VAMP8: variants seen among roughly 807,000 people sequenced by gnomAD.
VAMP8 encodes the protein vesicle associated membrane protein 8, also known as vesicle-associated membrane protein 8.
VAMP8 carries 9 observed loss-of-function variants against 11.4 expected under a neutral mutation model. That is an observed-to-expected ratio of 0.79 (90% CI 0.48 to 1.38). VAMP8 has a LOEUF of 1.38. VAMP8 is among the 40% of genes most tolerant of loss of function. VAMP8 has a pLI of 0.00. For missense variants in VAMP8, 108 were observed against 127.8 expected, an observed-to-expected ratio of 0.85 and a Z score of 0.75; for synonymous variants, 42 against 44.7, an observed-to-expected ratio of 0.94 and a Z score of 0.24.
intron 2 of VAMP8, among the ~76,000 whole-genome samples, chr2:85,580,964 C>T (rs72843861): frequency 0.058 from 8,889 of 152,016 alleles, 392 homozygotes; most frequent in Non-Finnish European, 0.097. Flanking sequence ...CCACCGCACC[C>T]GGCCAGAGCA....
At chr2:85,577,742 G>A in intron 1 of VAMP8, 93 bp downstream of exon 1, 1 of 1,535,644 alleles carries the variant, frequency 6.5e-7, no homozygotes, top group South Asian at 1.2e-5. Context: ...GAGGAGAGTT[G>A]GTGGCAAAGT....
chr2:85,580,808 A>G (rs1371225078), intron 2 of VAMP8, among the ~76,000 whole-genome samples: 5 of 151,672 alleles, frequency 3.3e-5, no homozygotes, highest in African/African-American at 4.8e-5. Flanking sequence ...CTGGGATTAC[A>G]GGCGTCTGCC....
chr2:85,581,993 T>C lies in VAMP8; in HGVS notation c.*277T>C. 1 of 424,264 alleles carries C rather than the reference T, an allele frequency of 2.4e-6. No individual in the cohort carries two copies. Among genetic ancestry groups the C allele is most frequent in the Non-Finnish European group, 4.2e-6 (1 of 236,364 alleles). 26.3% of individuals were successfully genotyped at this position (424,264 alleles called of 1,614,324 possible). On this transcript the variant is annotated 3_prime_UTR_variant, in exon 3 of 3. Coordinates refer to ENST00000263864, the MANE Select transcript of VAMP8 (RefSeq NM_003761.5). ...GCCCAGCATGTGGCTGGGAAACTGT[T>C]GGTGGCCAGTGGGTAATAAAGACCT...
rs147504597 is a variant in VAMP8, at chr2:85,578,974, C to T, written c.4-35C>T. The T allele has an allele frequency of 1.9e-4, 300 of 1,582,922 alleles. 1 individual carries two copies. In the East Asian group the frequency reaches 6.6e-3, roughly 35 times the overall value. On this transcript the variant is annotated intron_variant, in intron 1 of 2. Coordinates refer to ENST00000263864, the MANE Select transcript of VAMP8 (RefSeq NM_003761.5). ...TGAGCCCAAGTCTCCAGTTCCCCCA[C>T]CACTTGGTCTAATTAACCCCGTGTT...
Position 85,577,783 on chromosome 2 carries a change from CTCT to C in VAMP8, c.3+139_3+141del, listed in dbSNP as rs1327280276. 1.0e-5 allele frequency: 13 copies of C among 1,282,142 alleles called. No homozygotes were observed. In the East Asian group the frequency reaches 2.3e-4, roughly 22 times the overall value. The allele number at this position is 1,282,142 out of a possible 1,614,324, so 79.4% of individuals were successfully genotyped here. A position where few individuals can be genotyped will look rare whatever the true frequency, so the allele number is the denominator to read the frequency against. On this transcript the variant is annotated intron_variant, in intron 1 of 2. Coordinates refer to ENST00000263864, the MANE Select transcript of VAMP8 (RefSeq NM_003761.5). ...GGCTGGGCCAGTGCTGCTATGGCCT[CTCT>C]TCTTTGACAACTTGGCTGCAAATAG...
In VAMP8 at chr2:85,581,860, G is replaced by A. The variant is rs1434585880; in HGVS notation, c.*144G>A. 3.7e-6 allele frequency: 4 copies of A among 1,093,594 alleles called. No homozygotes were observed. The highest frequency in any genetic ancestry group is 5.3e-6 in the Non-Finnish European group (4 of 757,954). The allele number at this position is 1,093,594 out of a possible 1,614,324, so 67.7% of individuals were successfully genotyped here. On this transcript the variant is annotated 3_prime_UTR_variant, in exon 3 of 3. Transcript: ENST00000263864. The stretch of plus-strand genomic sequence containing the variant: ...CCTCTTCCCGAGGCCCTGCTGCCAT[G>A]TTGTATGCCCCAGAAGGTACCTTGG...
chr2:85,581,774 G>T lies in VAMP8; in HGVS notation c.*58G>T. The T allele has an allele frequency of 6.2e-7, 1 of 1,602,852 alleles. No homozygotes were observed. The highest frequency in any genetic ancestry group is 1.1e-5 in the South Asian group (1 of 89,824). On this transcript the variant is annotated 3_prime_UTR_variant, in exon 3 of 3. Transcript: ENST00000263864. ...TTCAGGGACAACCCTCCATAAATGT[G>T]TGCCAAGAGGGTCTCCTTTCCTGTC...
chr2:85,579,376 G>A (rs1672332455), intron 2 of VAMP8, among the ~76,000 whole-genome samples: 1 of 152,208 alleles, frequency 6.6e-6, no homozygotes, highest in Admixed American at 6.5e-5. Flanking sequence ...CCCATGACTG[G>A]GGCTTGAGGT....
intron 1 of VAMP8, among the ~76,000 whole-genome samples, chr2:85,577,870 G>A (rs1378746452): frequency 6.6e-6 from 1 of 152,204 alleles, no homozygotes; most frequent in Non-Finnish European, 1.5e-5. Flanking sequence ...TGACCTCTGT[G>A]CTGGTGGGGA....
intron 2 of VAMP8, 67 bp from the exon 3 acceptor site, chr2:85,581,509 G>A: frequency 6.3e-7 from 1 of 1,577,044 alleles, no homozygotes; most frequent in Non-Finnish European, 8.6e-7. Flanking sequence ...GGCTGCACTT[G>A]TACTCTTATA....
Position 85,581,798 on chromosome 2 carries a change from T to C in VAMP8, c.*82T>C. 6.4e-7 allele frequency: 1 copy of C among 1,570,326 alleles called. No individual in the cohort carries two copies. The highest frequency in any genetic ancestry group is 8.7e-7 in the Non-Finnish European group (1 of 1,151,258). On this transcript the variant is annotated 3_prime_UTR_variant, in exon 3 of 3. Transcript: ENST00000263864. ...TGTGCCAAGAGGGTCTCCTTTCCTG[T>C]CTTCCTCTACAGAGAATGCTGCTCG... is the stretch of plus-strand genomic sequence containing the variant.
chr2:85,579,635 G>T, intron 2 of VAMP8: 2 of 1,455,612 alleles, frequency 1.4e-6, no homozygotes, highest in South Asian at 1.5e-5. Context: ...TTAAAAAGAA[G>T]GGGGAAAGAG....
At chr2:85,581,424 G>A in intron 2 of VAMP8, 152 bp from the exon 3 acceptor site, 1 of 946,832 alleles carries the variant, frequency 1.1e-6, no homozygotes, top group South Asian at 1.7e-5. Flanking sequence ...AGGCAGCAGT[G>A]AGCCAAGATC....
rs540953092 is a variant in VAMP8 at position 85,577,890 on chromosome 2, CCGTG to C, written c.3+243_3+246del. 1.3e-4 allele frequency among the ~76,000 whole-genome samples: 20 copies of C among 152,298 alleles called. 1 individual carries two copies. In the South Asian group the frequency reaches 2.5e-3, roughly 19 times the overall value. On this transcript the variant is annotated intron_variant, in intron 1 of 2. Coordinates refer to ENST00000263864, the MANE Select transcript of VAMP8 (RefSeq NM_003761.5). ...TCTGTGCTGGTGGGGAGCTGGGCTT[CCGTG>C]CCAGCGCCGATGGGGGCTCCGAATT...
chr2:85,581,282 C>T (rs1267558880), intron 2 of VAMP8, among the ~76,000 whole-genome samples: 1 of 152,102 alleles, frequency 6.6e-6, no homozygotes, highest in Non-Finnish European at 1.5e-5. Context: ...GAGTTCAAGA[C>T]CAGCCTGGCC....
At chr2:85,580,659 ATTTTTTTTTTTTTTT>A (rs372301674) in intron 2 of VAMP8, among the ~76,000 whole-genome samples, 2 of 104,560 alleles carry the variant, frequency 1.9e-5, no homozygotes, top group Admixed American at 2.1e-4. Context: ...CAGATACAGC[ATTTTTTTTTTTTTTT>A]TTTTTTTTTT....
At chr2:85,581,539 A>G in intron 2 of VAMP8, 37 bp from the exon 3 acceptor site, 1 of 1,611,186 alleles carries the variant, frequency 6.2e-7, no homozygotes, top group Non-Finnish European at 8.5e-7. Context: ...CAGTGGGAGG[A>G]GCCACTGGGT....
At position 85,581,954 on chromosome 2, in the gene VAMP8, G is replaced by C. The variant is rs1672386139; in HGVS notation, c.*238G>C. The C allele has an allele frequency of 3.8e-6, 2 of 524,752 alleles. No individual in the cohort carries two copies. The highest frequency in any genetic ancestry group is 6.7e-6 in the Non-Finnish European group (2 of 299,738). 32.5% of individuals were successfully genotyped at this position (524,752 alleles called of 1,614,324 possible). Reference sequence around the variant, plus strand: ...TTTCTTGGGTCCTTAGAGTGGGCTGGAGAGACCTAGAGGGCCCAGCATGTG... The same window carrying C: ...TTTCTTGGGTCCTTAGAGTGGGCTGCAGAGACCTAGAGGGCCCAGCATGTG... On this transcript the variant is annotated 3_prime_UTR_variant, in exon 3 of 3. Transcript: ENST00000263864.
At chr2:85,580,008 T>G in intron 2 of VAMP8, 1 of 1,368,936 alleles carries the variant, frequency 7.3e-7, no homozygotes. Flanking sequence ...CAGGTTAGAG[T>G]GAGTGCAATC....
Sources: allele counts gnomAD v4.1 joint callset (sites outside exome capture counted in the v4.1 genomes callset), GRCh38; gene constraint gnomAD v4.1.1; transcripts MANE v1.5; gene names NCBI Gene and HGNC (gene_info 2026-07-23, HGNC 2026-07-21).